The following MICAL3 variants were observed in gnomAD, a reference collection of about 807,000 sequenced individuals.
MICAL3 encodes the protein [F-actin]-monooxygenase MICAL3.
Under a neutral mutation model 207.4 loss-of-function variants are expected in MICAL3, and 62 were observed. The ratio of observed to expected loss-of-function variants is 0.30; its 90% CI spans 0.24 to 0.37. The LOEUF (loss-of-function observed/expected upper bound fraction) is 0.37. MICAL3 is among the 10% of genes least tolerant of loss of function. The pLI, the probability that MICAL3 is intolerant of heterozygous loss-of-function variation, is 1.00. For missense variants in MICAL3, 2,368 were observed against 2,635.6 expected, an observed-to-expected ratio of 0.90 and a Z score of 2.22; for synonymous variants, 1,077 against 1,069.3, an observed-to-expected ratio of 1.01 and a Z score of -0.14.
chr22:17,990,820 A>G (rs1379065866), intron 1 of MICAL3, among the ~76,000 whole-genome samples: 1 of 152,072 alleles, frequency 6.6e-6, no homozygotes, highest in Admixed American at 6.6e-5. Flanking sequence ...TATGAAGCGG[A>G]CTCCTGAGAA....
intron 19 of MICAL3, among the ~76,000 whole-genome samples, chr22:17,855,350 G>A (rs568195500): frequency 6.6e-6 from 1 of 152,350 alleles, no homozygotes; most frequent in Non-Finnish European, 1.5e-5. Flanking sequence ...AATGGCAGCT[G>A]TGAAGCTGTA....
At chr22:17,878,378 G>A (rs1015454168) in intron 16 of MICAL3, among the ~76,000 whole-genome samples, 4 of 152,158 alleles carry the variant, frequency 2.6e-5, no homozygotes, top group Non-Finnish European at 5.9e-5. Flanking sequence ...CATGGAAAGG[G>A]GGTGGGAAAG....
chr22:17,885,202 T>C (rs1481060409), intron 16 of MICAL3, among the ~76,000 whole-genome samples: 1 of 152,172 alleles, frequency 6.6e-6, no homozygotes, highest in Non-Finnish European at 1.5e-5. Flanking sequence ...TCAATGCTCA[T>C]ATTCCTAGGA....
At chr22:17,938,958 G>A (rs1222062790) in intron 1 of MICAL3, among the ~76,000 whole-genome samples, 1 of 152,178 alleles carries the variant, frequency 6.6e-6, no homozygotes, top group Non-Finnish European at 1.5e-5. Context: ...TGGAATGTTT[G>A]TTCCTTTTGA....
At chr22:17,802,817 G>A (rs2061953553) in intron 29 of MICAL3, among the ~76,000 whole-genome samples, 1 of 152,148 alleles carries the variant, frequency 6.6e-6, no homozygotes, top group Non-Finnish European at 1.5e-5. Flanking sequence ...GGGAGATGAA[G>A]GGGGTAGACT....
At chr22:17,843,004 C>T (rs961884426) in intron 19 of MICAL3, among the ~76,000 whole-genome samples, 4 of 151,570 alleles carry the variant, frequency 2.6e-5, no homozygotes, top group African/African-American at 9.7e-5. Context: ...GCCTGTAGTC[C>T]CAGCTACTCG....
At chr22:17,920,305 A>G (rs1401748989) in intron 1 of MICAL3, among the ~76,000 whole-genome samples, 2 of 152,152 alleles carry the variant, frequency 1.3e-5, no homozygotes, top group African/African-American at 4.8e-5. Context: ...GCCTTCTACA[A>G]TACCCCACTG....
At chr22:17,929,866 C>A (rs1416968855) in intron 1 of MICAL3, among the ~76,000 whole-genome samples, 2 of 152,222 alleles carry the variant, frequency 1.3e-5, no homozygotes, top group African/African-American at 4.8e-5. Flanking sequence ...CTGCGCCCGG[C>A]CTCTATGCTC....
chr22:17,908,761 A>T (rs186284617), intron 1 of MICAL3, among the ~76,000 whole-genome samples: 1 of 152,196 alleles, frequency 6.6e-6, no homozygotes, highest in Admixed American at 6.5e-5. Flanking sequence ...TTAAAGATGT[A>T]CCCTTGGGGT....
Position 17,896,907 on chromosome 22 carries a change from C to G in MICAL3, c.1023G>C (p.Glu341Asp), listed in dbSNP as rs1930893653. The change falls in exon 8 of 32, where the codon GAG becomes GAC. Residue 341 changes from glutamate to aspartate, a missense_variant. Around this residue, in one of 4 missense-constraint regions of MICAL3, gnomAD observed 400 missense variants for 547.0 expected, o/e 0.73. Coordinates refer to ENST00000441493, the MANE Select transcript of MICAL3 (RefSeq NM_015241.3). ...GCTGCTGGGTAGAGAAGTCTGCCGC[C>G]TCCCTGGCATAGCTGAGCAGAGCCT... is the stretch of plus-strand genomic sequence containing the variant. ...DQEALLSYAR[E>D]AADFSTQQQL... 6.2e-7 allele frequency: 1 copy of G among 1,613,878 alleles called. No individual in the cohort carries two copies. The highest frequency in any genetic ancestry group is 1.7e-5 in the Admixed American group (1 of 60,004).
At chr22:17,938,067 T>A (rs1299919110) in intron 1 of MICAL3, among the ~76,000 whole-genome samples, 2 of 152,180 alleles carry the variant, frequency 1.3e-5, no homozygotes, top group Non-Finnish European at 2.9e-5. Flanking sequence ...TTAAATTTTT[T>A]TAAAGTGTCA....
At chr22:17,886,102 C>T in intron 15 of MICAL3, 51 bp from the exon 16 acceptor site, 1 of 1,594,780 alleles carries the variant, frequency 6.3e-7, no homozygotes. Context: ...GAGGCTCCCC[C>T]CATGCCCCTC....
chr22:17,799,763 C>T (rs1055690118), intron 29 of MICAL3, among the ~76,000 whole-genome samples: 4 of 152,190 alleles, frequency 2.6e-5, no homozygotes, highest in African/African-American at 9.7e-5. Context: ...GCTGGTCCGG[C>T]AGGCCCAGTC....
rs1158840439 is a variant in MICAL3, at chr22:17,865,896, C to A, written c.2517+28G>T. ...CACTGCTGCAACACCCACTGCTTCT[C>A]CCCCACTTACAGGAGAGTCACCATT... On this transcript the variant is annotated intron_variant, in intron 18 of 31. Coordinates refer to ENST00000441493, the MANE Select transcript of MICAL3 (RefSeq NM_015241.3). The A allele has an allele frequency of 1.9e-6, 3 of 1,578,152 alleles. No individual in the cohort carries two copies. The Admixed American group carries it at 5.0e-5, about 26-fold the overall frequency.
intron 20 of MICAL3, among the ~76,000 whole-genome samples, chr22:17,836,772 G>A (rs1038862714): frequency 6.6e-6 from 1 of 152,120 alleles, no homozygotes; most frequent in African/African-American, 2.4e-5. Flanking sequence ...AGCCTCTCGA[G>A]CAGCTGGGAC....
At chr22:17,795,276 C>T (rs779123626) in intron 29 of MICAL3, among the ~76,000 whole-genome samples, 2 of 152,258 alleles carry the variant, frequency 1.3e-5, no homozygotes, top group African/African-American at 2.4e-5. Flanking sequence ...CAGTCAACCT[C>T]GGCTTCAAAG....
chr22:17,889,470 G>A (rs1391339826), intron 12 of MICAL3, among the ~76,000 whole-genome samples: 1 of 148,710 alleles, frequency 6.7e-6, no homozygotes, highest in Admixed American at 6.7e-5. Context: ...AAAAAAGGGA[G>A]AAAGTCAAAA....
At chr22:17,965,183 CAAAAAA>C (rs370246938) in intron 1 of MICAL3, among the ~76,000 whole-genome samples, 1 of 105,640 alleles carries the variant, frequency 9.5e-6, no homozygotes, top group Admixed American at 1.0e-4. Flanking sequence ...ACCCCGTCTC[CAAAAAA>C]AAAAAAAAAA....
At chr22:17,820,418 C>G (rs1034646495) in intron 25 of MICAL3, among the ~76,000 whole-genome samples, 5 of 152,108 alleles carry the variant, frequency 3.3e-5, no homozygotes, top group Admixed American at 6.5e-5. Flanking sequence ...GCAGTGGTGC[C>G]ATCTCGGCTC....
Sources: allele counts gnomAD v4.1 joint callset (sites outside exome capture counted in the v4.1 genomes callset), GRCh38; gene constraint gnomAD v4.1.1; regional missense constraint gnomAD v4.1.1; transcripts MANE v1.5; gene names NCBI Gene and HGNC (gene_info 2026-07-23, HGNC 2026-07-21).